PIK3C2G: variants seen among roughly 807,000 people sequenced by gnomAD.
PIK3C2G encodes phosphatidylinositol 3-kinase C2 domain-containing subunit gamma.
A neutral mutation model predicts 181.1 loss-of-function variants in PIK3C2G; 168 were observed. The ratio of observed to expected loss-of-function variants is 0.93; its 90% CI spans 0.82 to 1.05. The LOEUF (loss-of-function observed/expected upper bound fraction) is 1.05. Among genes scored for constraint, PIK3C2G ranks in the 50% least tolerant of loss-of-function variants. PIK3C2G has a pLI of 0.00. For synonymous variants in PIK3C2G, 573 were observed against 592.2 expected, an observed-to-expected ratio of 0.97 and a Z score of 0.47; for missense variants, 1,869 against 1,732.8, an observed-to-expected ratio of 1.08 and a Z score of -1.40.
At chr12:18,600,641 G>A (rs1379122511) in intron 30 of PIK3C2G, among the ~76,000 whole-genome samples, 2 of 151,890 alleles carry the variant, frequency 1.3e-5, no homozygotes, top group African/African-American at 4.8e-5. Flanking sequence ...ACCATAGAAA[G>A]ATGAAATTAT....
intron 16 of PIK3C2G, among the ~76,000 whole-genome samples, chr12:18,406,843 A>C (rs570664486): frequency 6.6e-6 from 1 of 152,282 alleles, no homozygotes; most frequent in South Asian, 2.1e-4. Flanking sequence ...AGTATTCCCT[A>C]TCGAGGAAGA....
intron 29 of PIK3C2G, among the ~76,000 whole-genome samples, chr12:18,576,643 A>G (rs1946245484): frequency 6.6e-6 from 1 of 152,224 alleles, no homozygotes; most frequent in African/African-American, 2.4e-5. Flanking sequence ...AAAATTATAT[A>G]ACATGTCTTA....
At chr12:18,615,566 T>G (rs1948571666) in intron 31 of PIK3C2G, among the ~76,000 whole-genome samples, 1 of 152,008 alleles carries the variant, frequency 6.6e-6, no homozygotes, top group African/African-American at 2.4e-5. Context: ...ATATAATGAC[T>G]TCTTTTCCTC....
At chr12:18,280,996 T>A (rs1434422551) in intron 1 of PIK3C2G, among the ~76,000 whole-genome samples, 1 of 151,876 alleles carries the variant, frequency 6.6e-6, no homozygotes, top group African/African-American at 2.4e-5. Flanking sequence ...GCTGCGTGAA[T>A]AATTGGGTCA....
intron 5 of PIK3C2G, among the ~76,000 whole-genome samples, chr12:18,303,133 T>TCTTTCTTTCTTTCTTTCTTTCTTTC (rs1950262238): frequency 9.0e-6 from 1 of 110,726 alleles, no homozygotes; most frequent in East Asian, 2.3e-4. Flanking sequence ...TTTCTTTCTT[T>TCTTTCTTTCTTTCTTTCTTTCTTTC]CTTTCTTTTC....
intron 18 of PIK3C2G, among the ~76,000 whole-genome samples, chr12:18,482,599 A>G (rs745458266): frequency 1.2e-4 from 19 of 152,144 alleles, no homozygotes; most frequent in Admixed American, 6.5e-5. Context: ...GGGGTGCAAG[A>G]ATGCAGGTTG....
chr12:18,309,204 T>C (rs7974310), intron 5 of PIK3C2G, among the ~76,000 whole-genome samples: 94,163 of 151,412 alleles, frequency 0.62, 29,368 homozygotes, highest in East Asian at 0.74. Context: ...TATTGATAAA[T>C]CTTTTTTTAC....
chr12:18,400,336 C>T (rs1265227647), intron 16 of PIK3C2G, among the ~76,000 whole-genome samples: 1 of 152,138 alleles, frequency 6.6e-6, no homozygotes, highest in African/African-American at 2.4e-5. Flanking sequence ...GCATGGAGCA[C>T]CAGGAAAGGG....
intron 18 of PIK3C2G, among the ~76,000 whole-genome samples, chr12:18,457,686 T>C (rs1033556336): frequency 7.9e-5 from 12 of 152,156 alleles, no homozygotes; most frequent in Non-Finnish European, 1.5e-4. Flanking sequence ...GATTTTTTTT[T>C]AATGAAAGGC....
downstream of PIK3C2G, among the ~76,000 whole-genome samples, chr12:18,652,251 T>C (rs1950550613): frequency 6.6e-6 from 1 of 152,118 alleles, no homozygotes; most frequent in Non-Finnish European, 1.5e-5. Flanking sequence ...CAGTCCCATA[T>C]ACCAGTCACA....
chr12:18,696,548 T>C, the PIK3C2G span, among the ~76,000 whole-genome samples: 8 of 151,806 alleles, frequency 5.3e-5, no homozygotes, highest in African/African-American at 1.9e-4. Context: ...ATAATTTATA[T>C]ATTTTTTACA....
chr12:18,699,732 A>C, the PIK3C2G span: 7 of 1,467,344 alleles, frequency 4.8e-6, no homozygotes, highest in Non-Finnish European at 6.7e-6. Context: ...AGCAATCTTA[A>C]CACCCTAGCA....
chr12:18,627,131 T>C (rs568678306), intron 31 of PIK3C2G, among the ~76,000 whole-genome samples: 1 of 152,068 alleles, frequency 6.6e-6, no homozygotes, highest in African/African-American at 2.4e-5. Flanking sequence ...ACTCACTGAT[T>C]CTTCAGTGTG....
chr12:18,317,610 A>C (rs1473658063), intron 6 of PIK3C2G, among the ~76,000 whole-genome samples: 1 of 152,204 alleles, frequency 6.6e-6, no homozygotes, highest in Non-Finnish European at 1.5e-5. Context: ...GCCAGCTCTA[A>C]AAGTTGAGAG....
chr12:18,524,560 TTTC>T (rs1460639613), intron 24 of PIK3C2G, among the ~76,000 whole-genome samples: 2 of 151,462 alleles, frequency 1.3e-5, no homozygotes, highest in Non-Finnish European at 2.9e-5. Flanking sequence ...GTGCCTCAGT[TTTC>T]TTTTTTTTTT....
the PIK3C2G span, among the ~76,000 whole-genome samples, chr12:18,674,482 TTG>T: frequency 6.6e-6 from 1 of 152,222 alleles, no homozygotes; most frequent in Non-Finnish European, 1.5e-5. Context: ...TATGAATTTT[TTG>T]GACAAATAAA....
In PIK3C2G at chr12:18,302,093, G is replaced by A. The variant is rs79940498; in HGVS notation, c.1034+8078G>A. On this transcript the variant is annotated intron_variant, in intron 5 of 32. Transcript: ENST00000538779. ...TGAATTAAACCTCAGCTTCCAGTGTGGTAGTGGTGGACCAACCATGGCTGT... is the reference window on the plus strand; with the variant it reads ...TGAATTAAACCTCAGCTTCCAGTGTAGTAGTGGTGGACCAACCATGGCTGT... 9.5e-3 allele frequency among the ~76,000 whole-genome samples: 1,442 copies of A among 152,272 alleles called. 30 individuals are homozygous for A. The highest frequency in any genetic ancestry group is 0.032 in the African/African-American group (1,336 of 41,554).
intron 12 of PIK3C2G, 124 bp downstream of exon 12, chr12:18,363,010 T>A: frequency 1.5e-6 from 1 of 679,416 alleles, no homozygotes; most frequent in Non-Finnish European, 2.4e-6. Flanking sequence ...GATTCAGTGG[T>A]ATGATAAGTA....
chr12:18,484,380 C>T lies in PIK3C2G; in HGVS notation c.2505-4069C>T, dbSNP rs113063043. Reference sequence around the variant, plus strand: ...GGGTATAAACCAAGTCAGTTTCATGCCTTATAGGCTCCTCTCATATATTTA... The same window carrying T: ...GGGTATAAACCAAGTCAGTTTCATGTCTTATAGGCTCCTCTCATATATTTA... On this transcript the variant is annotated intron_variant, in intron 18 of 32. Transcript: ENST00000538779. 1.8e-3 allele frequency among the ~76,000 whole-genome samples: 279 copies of T among 152,232 alleles called. 2 individuals carry two copies. The highest frequency in any genetic ancestry group is 0.012 in the South Asian group (60 of 4,816).
Sources: gnomAD v4.1 joint callset for allele counts (sites outside exome capture counted in the v4.1 genomes callset) on GRCh38, gnomAD v4.1.1 for gene constraint, MANE v1.5 for transcripts, NCBI Gene and HGNC (gene_info 2026-07-23, HGNC 2026-07-21) for gene names.